Variants in TRAP1 observed in about 807,000 individuals in gnomAD.
The protein encoded by TRAP1 is TNF receptor associated protein 1.
Under a neutral mutation model 89.1 loss-of-function variants are expected in TRAP1, and 102 were observed. The ratio of observed to expected loss-of-function variants is 1.15; its 90% CI spans 0.98 to 1.35. The LOEUF is 1.35. Among genes scored for constraint, TRAP1 ranks in the 40% most tolerant of loss-of-function variants. The pLI, the probability that TRAP1 is intolerant of heterozygous loss-of-function variation, is 0.00. For synonymous variants in TRAP1, 508 were observed against 388.0 expected (o/e 1.31, Z -3.64); for missense variants, 1,256 against 945.3 (o/e 1.33, Z -4.31).
In TRAP1 at chr16:3,671,848, A is replaced by C. The variant is rs1448020614; in HGVS notation, c.1166-57T>G. 2.6e-6 allele frequency: 4 copies of C among 1,558,232 alleles called. No homozygotes were observed. The African/African-American group carries it at 4.1e-5, about 16-fold the overall frequency. ...GCTGCGGCCCTCCACACCACCCAAC[A>C]TTCCCCATTAACCTGCCCTTTGTCT... On this transcript the variant is annotated intron_variant, in intron 10 of 17. Coordinates refer to ENST00000246957, the MANE Select transcript of TRAP1 (RefSeq NM_016292.3).
chr16:3,694,098 C>T (rs1039581107), intron 1 of TRAP1, among the ~76,000 whole-genome samples: 18 of 151,994 alleles, frequency 1.2e-4, no homozygotes, highest in African/African-American at 4.1e-4. Context: ...CAGCTTCTGG[C>T]AGTAGCCGGC....
chr16:3,691,304 C>T (rs566757608), intron 1 of TRAP1, among the ~76,000 whole-genome samples: 92 of 152,310 alleles, frequency 6.0e-4, no homozygotes, highest in Admixed American at 3.5e-3. Flanking sequence ...GCAGCCCCAA[C>T]CTCCTGGACT....
At chr16:3,711,088 G>C (rs2051525413) in intron 1 of TRAP1, among the ~76,000 whole-genome samples, 1 of 150,970 alleles carries the variant, frequency 6.6e-6, no homozygotes, top group Non-Finnish European at 1.5e-5. Context: ...GGTTGCCCAG[G>C]CTGGTCTCAA....
chr16:3,675,789 G>A (rs934521022), intron 7 of TRAP1, among the ~76,000 whole-genome samples: 1 of 152,226 alleles, frequency 6.6e-6, no homozygotes, highest in Non-Finnish European at 1.5e-5. Context: ...AAAGGCCAAG[G>A]GCCACGCAGA....
At chr16:3,689,379 G>C (rs1355256389) in intron 2 of TRAP1, among the ~76,000 whole-genome samples, 1 of 151,896 alleles carries the variant, frequency 6.6e-6, no homozygotes. Context: ...CGAGTAGCTG[G>C]GACTACAGGT....
chr16:3,675,243 G>A (rs1313283827), intron 8 of TRAP1, 81 bp downstream of exon 8: 14 of 1,406,162 alleles, frequency 1.0e-5, no homozygotes, highest in Non-Finnish European at 8.0e-6. Context: ...GCATCCCCTG[G>A]GCTCATCTCT....
At position 3,663,563 on chromosome 16, in the gene TRAP1, C is replaced by A. The variant is rs1410355261; in HGVS notation, c.1570-1G>T. The stretch of plus-strand genomic sequence containing the variant: ...CAAACTGCTCAAAGCAGAAGAGAAC[C>A]TGCAGGTGGCCAAGAGCAGCTCCAT... On this transcript the variant is annotated splice_acceptor_variant, in intron 13 of 17. Coordinates refer to ENST00000246957, the MANE Select transcript of TRAP1 (RefSeq NM_016292.3). LOFTEE classifies it high-confidence loss of function. The A allele has an allele frequency of 6.2e-7, 1 of 1,613,754 alleles. No homozygotes were observed. The highest frequency in any genetic ancestry group is 8.5e-7 in the Non-Finnish European group (1 of 1,179,914).
intron 1 of TRAP1, among the ~76,000 whole-genome samples, chr16:3,715,031 T>A (rs2051579122): frequency 6.6e-6 from 1 of 152,184 alleles, no homozygotes; most frequent in Admixed American, 6.5e-5. Flanking sequence ...CAAGGGCACC[T>A]GCCACGCAGA....
intron 3 of TRAP1, among the ~76,000 whole-genome samples, 163 bp downstream of exon 3, chr16:3,688,892 C>G (rs1287380286): frequency 6.6e-6 from 1 of 152,206 alleles, no homozygotes; most frequent in African/African-American, 2.4e-5. Flanking sequence ...AAAACAGATT[C>G]TGGTAAAACT....
intron 4 of TRAP1, 70 bp downstream of exon 4, chr16:3,685,926 C>A (rs2051132228): frequency 6.4e-7 from 1 of 1,552,136 alleles, no homozygotes; most frequent in Non-Finnish European, 8.8e-7. Context: ...CCCGAGACAT[C>A]ACTAGAAGGC....
chr16:3,716,292 T>C (rs2051597424), intron 1 of TRAP1, among the ~76,000 whole-genome samples: 1 of 152,236 alleles, frequency 6.6e-6, no homozygotes, highest in Admixed American at 6.5e-5. Flanking sequence ...TTTGGCAGTA[T>C]CTGCTAACAT....
rs373721612 is a variant in TRAP1 at position 3,664,599 on chromosome 16, C to T, written c.1384-140G>A. ...CTGACCCGAGGGACGGTAGTGGACT[C>T]GGGGGTTGTCCGAGAGCAGGCCTTG... On this transcript the variant is annotated intron_variant, in intron 12 of 17. Transcript: ENST00000246957. 1,866 of 891,936 alleles carry T rather than the reference C, an allele frequency of 2.1e-3. 26 individuals carry two copies. The highest frequency in any genetic ancestry group is 0.011 in the South Asian group (623 of 55,950). The allele number at this position is 891,936 out of a possible 1,614,324, so 55.3% of individuals were successfully genotyped here.
chr16:3,706,724 GT>G (rs1450916196), intron 1 of TRAP1, among the ~76,000 whole-genome samples: 8 of 152,080 alleles, frequency 5.3e-5, no homozygotes, highest in Admixed American at 3.3e-4. Context: ...GCCTCCTGAA[GT>G]GCTGCAATTA....
intron 1 of TRAP1, among the ~76,000 whole-genome samples, chr16:3,700,175 T>G (rs1040349405): frequency 6.7e-6 from 1 of 148,376 alleles, no homozygotes; most frequent in Admixed American, 6.7e-5. Flanking sequence ...CTTTACAAAC[T>G]TTTTTTTTTG....
chr16:3,662,149 G>T lies in TRAP1; in HGVS notation c.1795-17C>A. On this transcript the variant is annotated splice_polypyrimidine_tract_variant and intron_variant, in intron 15 of 17. Transcript: ENST00000246957. ...GAGGGTCACCTGTGAGCAAAGCCCG[G>T]GGTTGAGGGTGATAGAGGTTCCCAA... is the stretch of plus-strand genomic sequence containing the variant. 6.2e-7 allele frequency: 1 copy of T among 1,605,788 alleles called. No homozygotes were observed. Among genetic ancestry groups the T allele is most frequent in the East Asian group, 2.2e-5 (1 of 44,788 alleles).
chr16:3,677,737 G>A lies in TRAP1; in HGVS notation c.544-79C>T, dbSNP rs1334356175. The A allele has an allele frequency of 9.9e-6, 15 of 1,508,006 alleles. No individual in the cohort carries two copies. The East Asian group carries it at 1.8e-4, about 18-fold the overall frequency. 93.4% of individuals were successfully genotyped at this position (1,508,006 alleles called of 1,614,324 possible). A position where few individuals can be genotyped will look rare whatever the true frequency, so the allele number is the denominator to read the frequency against. The stretch of plus-strand genomic sequence containing the variant: ...TCCCAACACCGTGGCTCTTCTGCGA[G>A]CACCGCTAAGACCCCTTCATCCTGA... On this transcript the variant is annotated intron_variant, in intron 5 of 17. Transcript: ENST00000246957.
chr16:3,674,636 C>CT (rs2050963146), intron 8 of TRAP1, 142 bp from the exon 9 acceptor site: 1 of 1,000,546 alleles, frequency 1.0e-6, no homozygotes, highest in South Asian at 1.6e-5. Flanking sequence ...GTAGACCCCT[C>CT]TCCAGCCCCA....
At position 3,682,416 on chromosome 16, in the gene TRAP1, C is replaced by G. The variant is rs555413577; in HGVS notation, c.472-2626G>C. Among the ~76,000 whole-genome samples, 66 of 151,592 alleles carry G rather than the reference C, an allele frequency of 4.4e-4. 1 individual carries two copies. The South Asian group carries it at 0.013, about 30-fold the overall frequency. ...AAAAAAAAAAAAAAAATTTCTCGCT[C>G]TGTCACGCAGGCTAGAGTGCTGGAG... On this transcript the variant is annotated intron_variant, in intron 4 of 17. Transcript: ENST00000246957.
intron 15 of TRAP1, 128 bp downstream of exon 15, chr16:3,662,754 A>C (rs754633523): frequency 7.0e-6 from 6 of 862,128 alleles, no homozygotes; most frequent in Non-Finnish European, 1.1e-5. Flanking sequence ...CAGGGTCTCC[A>C]CCTGACACCA....
Sources: allele counts gnomAD v4.1 joint callset (sites outside exome capture counted in the v4.1 genomes callset), GRCh38; gene constraint gnomAD v4.1.1; transcripts MANE v1.5; gene names NCBI Gene and HGNC (gene_info 2026-07-23, HGNC 2026-07-21).